The following CC2D2A variants were observed in gnomAD, a reference collection of about 807,000 sequenced individuals.
CC2D2A encodes the protein coiled-coil and C2 domain containing 2A.
A neutral mutation model predicts 212.9 loss-of-function variants in CC2D2A; 155 were observed. The ratio of observed to expected loss-of-function variants is 0.73; its 90% CI spans 0.64 to 0.83. The LOEUF (loss-of-function observed/expected upper bound fraction) is 0.83. Among genes scored for constraint, CC2D2A ranks in the 40% least tolerant of loss-of-function variants. CC2D2A has a pLI of 0.00. For synonymous variants in CC2D2A, 667 were observed against 686.5 expected, an observed-to-expected ratio of 0.97 and a Z score of 0.44; for missense variants, 1,856 against 1,956.2, an observed-to-expected ratio of 0.95 and a Z score of 0.97.
intron 27 of CC2D2A, 54 bp from the exon 28 acceptor site, chr4:15,570,344 T>C: frequency 1.8e-6 from 2 of 1,109,242 alleles, no homozygotes. Context: ...GCCAGATTAA[T>C]TAAATGAGTT....
intron 14 of CC2D2A, among the ~76,000 whole-genome samples, chr4:15,535,292 T>G (rs1307221655): frequency 4.0e-5 from 6 of 151,892 alleles, no homozygotes; most frequent in Admixed American, 3.9e-4. Context: ...CCTCCCATCA[T>G]CCCTGCTGCT....
In CC2D2A at chr4:15,601,242, T is replaced by C. The variant is rs752706778; in HGVS notation, c.4680T>C (p.Ser1560=). Residue 1560 remains serine (S), a synonymous_variant, in exon 37 of 37, where the codon TCT becomes TCC. Transcript: ENST00000424120. ...CAAATGTTTTTTCCCTTCAGTTCTCTGGATTTCCTCTTCACATGCCTTATT... is the reference window on the plus strand; with the variant it reads ...CAAATGTTTTTTCCCTTCAGTTCTCCGGATTTCCTCTTCACATGCCTTATT... ...LLKQLGDYRF[S]GFPLHMPYSE... 2.4e-5 allele frequency: 39 copies of C among 1,611,960 alleles called. No individual in the cohort carries two copies. The highest frequency in any genetic ancestry group is 3.1e-5 in the Non-Finnish European group (36 of 1,178,866).
intron 31 of CC2D2A, 139 bp from the exon 32 acceptor site, chr4:15,587,677 T>C (rs1182622426): frequency 6.3e-6 from 3 of 474,442 alleles, no homozygotes; most frequent in Non-Finnish European, 1.1e-5. Flanking sequence ...ATTATCAACA[T>C]AGTATCAAAA....
At chr4:15,506,583 G>A (rs1197930264) in intron 6 of CC2D2A, among the ~76,000 whole-genome samples, 2 of 152,124 alleles carry the variant, frequency 1.3e-5, no homozygotes, top group East Asian at 1.9e-4. Context: ...TTGACTTCTC[G>A]GTTTGTTTTG....
At chr4:15,519,953 G>A in intron 11 of CC2D2A, 1 of 187,074 alleles carries the variant, frequency 5.3e-6, no homozygotes, top group Non-Finnish European at 1.1e-5. Flanking sequence ...GTAACATTCA[G>A]CACTGATCAC....
intron 10 of CC2D2A, among the ~76,000 whole-genome samples, chr4:15,516,294 C>T: frequency 6.6e-6 from 1 of 152,178 alleles, no homozygotes; most frequent in South Asian, 2.1e-4. Flanking sequence ...TTAAATTATC[C>T]ATAGGTAGAA....
intron 28 of CC2D2A, among the ~76,000 whole-genome samples, chr4:15,572,982 T>C (rs1560189463): frequency 6.6e-6 from 1 of 152,160 alleles, no homozygotes; most frequent in Non-Finnish European, 1.5e-5. Flanking sequence ...ACTCAGCCAG[T>C]CTAGTCCTTC....
Position 15,563,460 on chromosome 4 carries a change from CAT to C in CC2D2A, c.3122_3123del (p.Ile1041LysfsTer34), listed in dbSNP as rs1560184664. ...VTAQNLSDGDIKLLVNIVRAY... is the reference protein window; with the variant it reads ...VTAQNLSDGDXKLLVNIVRAY... Reference sequence around the variant, plus strand: ...CAGCCCAAAACCTGTCTGATGGAGACATAAAGCTGCTGGTGAACATTGTGCGA... The same window carrying C: ...CAGCCCAAAACCTGTCTGATGGAGACAAAGCTGCTGGTGAACATTGTGCGA... On this transcript the variant is annotated frameshift_variant, in exon 24 of 37. Coordinates refer to ENST00000424120, the MANE Select transcript of CC2D2A (RefSeq NM_001378615.1). LOFTEE classifies it high-confidence loss of function. 2 of 1,612,128 alleles carry C rather than the reference CAT, an allele frequency of 1.2e-6. No individual in the cohort carries two copies. The highest frequency in any genetic ancestry group is 2.2e-5 in the South Asian group (2 of 90,490).
In CC2D2A at chr4:15,481,032, C is replaced by T. The variant is rs544172134; in HGVS notation, c.247+205C>T. ...ATAGCTTCAGGATGTGTTTCTATAA[C>T]CACATAATATTATTTGGATGTTTGT... On this transcript the variant is annotated intron_variant, in intron 4 of 36. Coordinates refer to ENST00000424120, the MANE Select transcript of CC2D2A (RefSeq NM_001378615.1). Among the ~76,000 whole-genome samples, 12 of 152,262 alleles carry T rather than the reference C, an allele frequency of 7.9e-5. No homozygotes were observed. In the South Asian group the frequency reaches 1.0e-3, roughly 13 times the overall value.
rs1408450336 is a variant in CC2D2A at position 15,585,008 on chromosome 4, G to A, written c.3976-1149G>A. Reference sequence around the variant, plus strand: ...ACAAAAAATGACAAATGCTGGCAAGGGTCTGAAGAAAGAGGAACTCTTATA... The same window carrying A: ...ACAAAAAATGACAAATGCTGGCAAGAGTCTGAAGAAAGAGGAACTCTTATA... On this transcript the variant is annotated intron_variant, in intron 30 of 36. Transcript: ENST00000424120. Among the ~76,000 whole-genome samples, 2 of 152,122 alleles carry A rather than the reference G, an allele frequency of 1.3e-5. 1 individual carries two copies. The highest frequency in any genetic ancestry group is 4.1e-4 in the South Asian group (2 of 4,822).
intron 3 of CC2D2A, 69 bp downstream of exon 3, chr4:15,478,875 C>A: frequency 7.9e-7 from 1 of 1,272,550 alleles, no homozygotes; most frequent in Non-Finnish European, 1.1e-6. Flanking sequence ...TCCCCAGGGC[C>A]ATACAGAATC....
Position 15,597,436 on chromosome 4 carries a change from C to T in CC2D2A, c.4467C>T (p.Asp1489=), listed in dbSNP as rs1229562320. Residue 1489 remains aspartate, a synonymous_variant, in exon 35 of 37, where the codon GAC becomes GAT. Coordinates refer to ENST00000424120, the MANE Select transcript of CC2D2A (RefSeq NM_001378615.1). ...QPEELIYQRS[D]KAAAAELQDR... ...AAGAGCTAATTTACCAGCGCTCAGA[C>T]AAAGCAGCTGCAGCTGAGCTACAAG... 1.3e-6 allele frequency: 2 copies of T among 1,553,268 alleles called. No individual in the cohort carries two copies. Among genetic ancestry groups the T allele is most frequent in the Non-Finnish European group, 1.7e-6 (2 of 1,147,650 alleles).
intron 33 of CC2D2A, chr4:15,595,842 A>C: frequency 3.3e-6 from 1 of 300,678 alleles, no homozygotes; most frequent in Non-Finnish European, 6.1e-6. Context: ...ATCTACAGTC[A>C]ACACTAAGGT....
intron 8 of CC2D2A, 49 bp downstream of exon 8, chr4:15,511,472 A>G: frequency 1.4e-6 from 2 of 1,435,662 alleles, no homozygotes; most frequent in Non-Finnish European, 1.8e-6. Context: ...GGCTAGGAGG[A>G]AAAAGCTGAT....
In CC2D2A at chr4:15,522,884, CGAGG is replaced by C. The variant is rs1560164246; in HGVS notation, c.1150-4562_1150-4559del. 3.3e-5 allele frequency among the ~76,000 whole-genome samples: 5 copies of C among 151,670 alleles called. No individual in the cohort carries two copies. In the East Asian group the frequency reaches 9.7e-4, roughly 29 times the overall value. On this transcript the variant is annotated intron_variant, in intron 11 of 36. Transcript: ENST00000424120. ...CTATAATCCCAGCACTTTGGGAGGC[CGAGG>C]TGGGCAGATCACCTGAGATCAGGAG...
chr4:15,479,019 C>T (rs565551298), intron 3 of CC2D2A, among the ~76,000 whole-genome samples: 91 of 152,182 alleles, frequency 6.0e-4, no homozygotes, highest in African/African-American at 2.0e-3. Context: ...CACAATAAGG[C>T]GGGGGTCCAT....
intron 30 of CC2D2A, among the ~76,000 whole-genome samples, chr4:15,584,083 CCAAAG>C (rs1720765438): frequency 6.6e-6 from 1 of 151,746 alleles, no homozygotes; most frequent in Non-Finnish European, 1.5e-5. Context: ...TCCATATTAC[CCAAAG>C]CAATCTACAG....
intron 2 of CC2D2A, among the ~76,000 whole-genome samples, chr4:15,476,874 C>A (rs533502835): frequency 2.6e-5 from 4 of 152,326 alleles, no homozygotes; most frequent in African/African-American, 9.6e-5. Flanking sequence ...GTATTCCTCT[C>A]AATCCTTACT....
chr4:15,494,864 A>G (rs1442513275), intron 4 of CC2D2A, among the ~76,000 whole-genome samples: 1 of 152,218 alleles, frequency 6.6e-6, no homozygotes, highest in Non-Finnish European at 1.5e-5. Context: ...AGGGTGAAGC[A>G]TATGTAAATT....
Sources: allele counts gnomAD v4.1 joint callset (sites outside exome capture counted in the v4.1 genomes callset), GRCh38; gene constraint gnomAD v4.1.1; transcripts MANE v1.5; gene names NCBI Gene and HGNC (gene_info 2026-07-23, HGNC 2026-07-21).